PLA2G4E: variants seen among roughly 807,000 people sequenced by gnomAD.
PLA2G4E encodes the protein phospholipase A2 group IVE.
A neutral mutation model predicts 109.1 loss-of-function variants in PLA2G4E; 84 were observed. The ratio of observed to expected loss-of-function variants is 0.77; its 90% CI spans 0.65 to 0.92. PLA2G4E has a LOEUF of 0.92. Ranked by LOEUF, PLA2G4E falls within the 40% of genes least tolerant of loss-of-function variation. The pLI is 0.00. For synonymous variants in PLA2G4E, 469 were observed against 436.1 expected (o/e 1.08, Z -0.94); for missense variants, 1,057 against 1,076.6 (o/e 0.98, Z 0.25).
At chr15:42,049,857 C>T (rs958805033) in intron 1 of PLA2G4E, among the ~76,000 whole-genome samples, 19 of 152,222 alleles carry the variant, frequency 1.2e-4, no homozygotes, top group Middle Eastern at 3.2e-3. Context: ...CTCACACGCC[C>T]GCCCAGAGGA....
intron 13 of PLA2G4E, among the ~76,000 whole-genome samples, chr15:41,992,161 G>A (rs997133242): frequency 4.6e-5 from 7 of 152,200 alleles, no homozygotes; most frequent in African/African-American, 1.7e-4. Context: ...TGTAGAGAGT[G>A]TTATTGACTG....
intron 4 of PLA2G4E, 113 bp from the exon 5 acceptor site, chr15:42,005,091 A>G (rs2068461891): frequency 8.0e-7 from 1 of 1,257,848 alleles, no homozygotes. Context: ...CTTCCCCCAC[A>G]GCTGCCTGCT....
chr15:42,023,536 G>C (rs1276084134), intron 1 of PLA2G4E, among the ~76,000 whole-genome samples: 1 of 152,004 alleles, frequency 6.6e-6, no homozygotes, highest in Admixed American at 6.5e-5. Flanking sequence ...GGGGAAGTAG[G>C]GTGGAAAGTT....
chr15:42,017,477 T>G (rs1408802951), intron 1 of PLA2G4E, among the ~76,000 whole-genome samples: 1 of 152,182 alleles, frequency 6.6e-6, no homozygotes, highest in Non-Finnish European at 1.5e-5. Context: ...GCTTAATCCT[T>G]ACAACCGCCC....
chr15:42,022,764 C>T (rs2068659331), intron 1 of PLA2G4E, among the ~76,000 whole-genome samples: 2 of 152,134 alleles, frequency 1.3e-5, no homozygotes, highest in Admixed American at 1.3e-4. Context: ...TGCTGTGTGG[C>T]CTGGTTCCAA....
chr15:41,987,262 G>T (rs370317501), exon 17 of PLA2G4E: 6 of 1,613,980 alleles, frequency 3.7e-6, no homozygotes, highest in Non-Finnish European at 3.4e-6. Flanking sequence ...ACGAAGGACC[G>T]ATGGGTAAGG....
At chr15:41,987,940 CAT>C in intron 16 of PLA2G4E, 107 bp downstream of exon 16, 1 of 563,060 alleles carries the variant, frequency 1.8e-6, no homozygotes, top group South Asian at 2.2e-5. Context: ...GGCCGCCCCC[CAT>C]CACCCAGCCA....
chr15:42,006,497 C>A (rs1189392517), intron 3 of PLA2G4E, among the ~76,000 whole-genome samples: 2 of 152,098 alleles, frequency 1.3e-5, no homozygotes, highest in Non-Finnish European at 2.9e-5. Flanking sequence ...CAGCACTGGG[C>A]CCCTGGGCAC....
intron 2 of PLA2G4E, 39 bp downstream of exon 2, chr15:42,013,646 C>G: frequency 1.4e-6 from 2 of 1,466,382 alleles, no homozygotes; most frequent in Non-Finnish European, 1.8e-6. Context: ...CATCCAGATC[C>G]GGTAAGCAGA....
intron 3 of PLA2G4E, 181 bp from the exon 4 acceptor site, chr15:42,006,302 T>A: frequency 1.6e-6 from 1 of 638,484 alleles, no homozygotes; most frequent in Non-Finnish European, 2.5e-6. Flanking sequence ...GGCAAGTGTC[T>A]ATTCCCTCCT....
chr15:42,007,620 G>C, intron 3 of PLA2G4E, 109 bp downstream of exon 3: 1 of 1,355,502 alleles, frequency 7.4e-7, no homozygotes, highest in South Asian at 1.4e-5. Context: ...GAAGTAGGCA[G>C]AAAGGAAAAC....
exon 15 of PLA2G4E, chr15:41,989,470 G>A (rs746219223): frequency 3.1e-6 from 5 of 1,614,006 alleles, no homozygotes; most frequent in Non-Finnish European, 4.2e-6. Context: ...GCCCCATGAA[G>A]AACTCGGAGC....
intron 17 of PLA2G4E, among the ~76,000 whole-genome samples, chr15:41,986,220 G>T (rs2068139890): frequency 6.6e-6 from 1 of 152,162 alleles, no homozygotes; most frequent in South Asian, 2.1e-4. Flanking sequence ...TACTTGTGGG[G>T]TATAAGGGGC....
At chr15:42,040,603 A>G (rs1046924420) in intron 1 of PLA2G4E, among the ~76,000 whole-genome samples, 5 of 152,254 alleles carry the variant, frequency 3.3e-5, no homozygotes, top group Admixed American at 6.5e-5. Context: ...ATTTGTAAAA[A>G]TGTTTACTAA....
chr15:42,038,916 T>A (rs181264616), intron 1 of PLA2G4E, among the ~76,000 whole-genome samples: 4 of 152,242 alleles, frequency 2.6e-5, no homozygotes, highest in Non-Finnish European at 4.4e-5. Flanking sequence ...AGAATTCCCA[T>A]TGGGCTATAC....
At chr15:42,015,095 T>C (rs2068576125) in intron 1 of PLA2G4E, among the ~76,000 whole-genome samples, 1 of 152,138 alleles carries the variant, frequency 6.6e-6, no homozygotes, top group Admixed American at 6.5e-5. Context: ...CCCAGAGCCC[T>C]CCCTGGGCTG....
exon 19 of PLA2G4E, chr15:41,984,497 A>C: frequency 6.2e-7 from 1 of 1,613,984 alleles, no homozygotes; most frequent in South Asian, 1.1e-5. Flanking sequence ...CGATGGGGGC[A>C]TCGGGTTCCT....
chr15:42,005,726 T>C (rs7163374), intron 4 of PLA2G4E, among the ~76,000 whole-genome samples: 38,266 of 152,278 alleles, frequency 0.25, 6,025 homozygotes, highest in East Asian at 0.49. Flanking sequence ...GCCTGAATTA[T>C]GGTTTCTCAT....
intron 5 of PLA2G4E, among the ~76,000 whole-genome samples, chr15:42,004,377 A>C (rs968362512): frequency 6.9e-6 from 1 of 144,368 alleles, no homozygotes; most frequent in Non-Finnish European, 1.5e-5. Flanking sequence ...AAAGGGAGAA[A>C]AAGGGAGGAA....
Sources: allele counts gnomAD v4.1 joint callset (sites outside exome capture counted in the v4.1 genomes callset), GRCh38; gene constraint gnomAD v4.1.1; transcripts MANE v1.5; gene names NCBI Gene and HGNC (gene_info 2026-07-23, HGNC 2026-07-21).